KCTD1: variants seen among roughly 807,000 people sequenced by gnomAD.
The protein encoded by KCTD1 is BTB/POZ domain-containing protein KCTD1.
KCTD1 carries 24 observed loss-of-function variants against 66.0 expected under a neutral mutation model. The ratio of observed to expected loss-of-function variants is 0.36; its 90% CI spans 0.26 to 0.51. KCTD1 has a LOEUF of 0.51. Ranked by LOEUF, KCTD1 falls within the 20% of genes least tolerant of loss-of-function variation. The pLI is 0.95. For missense variants in KCTD1, 943 were observed against 1,205.2 expected, an observed-to-expected ratio of 0.78 and a Z score of 3.22; for synonymous variants, 511 against 517.2, an observed-to-expected ratio of 0.99 and a Z score of 0.16.
chr18:26,604,634 G>A (rs1046618846), intron 1 of KCTD1, among the ~76,000 whole-genome samples: 8 of 152,154 alleles, frequency 5.3e-5, no homozygotes, highest in African/African-American at 1.9e-4. Context: ...AACTAACACA[G>A]GAACAGAAAA....
At chr18:26,513,799 A>G (rs1024681562) in intron 1 of KCTD1, among the ~76,000 whole-genome samples, 3 of 152,264 alleles carry the variant, frequency 2.0e-5, no homozygotes, top group Non-Finnish European at 4.4e-5. Context: ...TCAGAATTGG[A>G]ATTCAAAATG....
intron 3 of KCTD1, among the ~76,000 whole-genome samples, chr18:26,472,955 C>G (rs1388829271): frequency 1.3e-5 from 2 of 152,204 alleles, no homozygotes; most frequent in Non-Finnish European, 2.9e-5. Flanking sequence ...TTGATCATGT[C>G]TGAGAGTGTG....
At chr18:26,587,212 G>A (rs1986490687) in intron 1 of KCTD1, among the ~76,000 whole-genome samples, 1 of 152,172 alleles carries the variant, frequency 6.6e-6, no homozygotes, top group Non-Finnish European at 1.5e-5. Context: ...GTAGGACTCT[G>A]AAGAATTATG....
chr18:26,611,360 GTT>G (rs1332798301), intron 1 of KCTD1, among the ~76,000 whole-genome samples: 2 of 146,478 alleles, frequency 1.4e-5, no homozygotes, highest in Non-Finnish European at 1.5e-5. Context: ...TTGTTTGTTT[GTT>G]TGTTTTGAGA....
At chr18:26,461,059 A>G (rs953498401) in intron 3 of KCTD1, among the ~76,000 whole-genome samples, 1 of 152,248 alleles carries the variant, frequency 6.6e-6, no homozygotes, top group Admixed American at 6.5e-5. Context: ...CCAATGTTGC[A>G]AACATGTGGT....
chr18:26,562,202 C>T (rs1445478503), intron 1 of KCTD1, among the ~76,000 whole-genome samples: 1 of 152,144 alleles, frequency 6.6e-6, no homozygotes, highest in African/African-American at 2.4e-5. Context: ...TCAGGCTCCA[C>T]TTCCACTGAA....
chr18:26,620,521 C>T (rs1430965581), intron 1 of KCTD1, among the ~76,000 whole-genome samples: 1 of 148,972 alleles, frequency 6.7e-6, no homozygotes, highest in Non-Finnish European at 1.5e-5. Context: ...ACTGCATCCT[C>T]CACCTCCGGG....
upstream of KCTD1, among the ~76,000 whole-genome samples, chr18:26,551,688 C>T (rs1183327899): frequency 6.6e-6 from 1 of 152,026 alleles, no homozygotes; most frequent in Non-Finnish European, 1.5e-5. Context: ...CCCAATAACA[C>T]AAAATTACAG....
upstream of KCTD1, chr18:26,549,915 T>G (rs1985484721): frequency 7.4e-6 from 4 of 543,164 alleles, no homozygotes; most frequent in Admixed American, 6.4e-5. Context: ...GGCGCGTCCT[T>G]GCGTCGCCGC....
intron 1 of KCTD1, chr18:26,655,968 G>C (rs1039648951): frequency 6.6e-5 from 10 of 152,184 alleles, no homozygotes; most frequent in African/African-American, 2.4e-4. Flanking sequence ...CTGTTTTCCA[G>C]CCAGGTCCCT....
At chr18:26,595,124 T>C (rs1317236894) in intron 1 of KCTD1, among the ~76,000 whole-genome samples, 1 of 152,176 alleles carries the variant, frequency 6.6e-6, no homozygotes, top group Non-Finnish European at 1.5e-5. Flanking sequence ...GATGTATAAC[T>C]CTATTTAGAC....
chr18:26,497,736 T>C (rs1408620078), intron 2 of KCTD1, among the ~76,000 whole-genome samples: 2 of 152,282 alleles, frequency 1.3e-5, no homozygotes, highest in Non-Finnish European at 2.9e-5. Flanking sequence ...CTTTAGGTAT[T>C]AGCAGCTGAA....
chr18:26,539,561 CA>C (rs1984874481), intron 1 of KCTD1, among the ~76,000 whole-genome samples: 1 of 152,192 alleles, frequency 6.6e-6, no homozygotes. Context: ...GAGATTGTGA[CA>C]GTTTATATCA....
At chr18:26,642,669 G>A (rs1442525969), upstream of KCTD1, among the ~76,000 whole-genome samples, 1 of 152,188 alleles carries the variant, frequency 6.6e-6, no homozygotes, top group African/African-American at 2.4e-5. Flanking sequence ...TCAGTGACAG[G>A]CAGAGATTAC....
intron 2 of KCTD1, among the ~76,000 whole-genome samples, chr18:26,485,298 A>G (rs1981857695): frequency 6.6e-6 from 1 of 152,174 alleles, no homozygotes; most frequent in Non-Finnish European, 1.5e-5. Flanking sequence ...AATCAATGGT[A>G]AGGCCAGAAT....
At chr18:26,589,519 A>G (rs1231259878) in intron 1 of KCTD1, among the ~76,000 whole-genome samples, 1 of 152,214 alleles carries the variant, frequency 6.6e-6, no homozygotes, top group African/African-American at 2.4e-5. Flanking sequence ...CCAGTTATAT[A>G]AAGTCTTTCA....
At chr18:26,622,735 T>C (rs950468410) in intron 1 of KCTD1, among the ~76,000 whole-genome samples, 4 of 151,984 alleles carry the variant, frequency 2.6e-5, no homozygotes, top group African/African-American at 9.7e-5. Flanking sequence ...AGCAGGAGCC[T>C]ACCAGATGGG....
intron 1 of KCTD1, among the ~76,000 whole-genome samples, chr18:26,649,661 A>G (rs1327260924): frequency 6.6e-6 from 1 of 152,076 alleles, no homozygotes; most frequent in Admixed American, 6.5e-5. Context: ...GGCACGCGCC[A>G]CCACGCCCGG....
rs1979969895 is a variant in KCTD1 at position 26,454,973 on chromosome 18, C to G, written c.*770G>C. 6.6e-6 allele frequency: 1 copy of G among 152,610 alleles called. No individual in the cohort carries two copies. The highest frequency in any genetic ancestry group is 1.5e-5 in the Non-Finnish European group (1 of 68,036). The allele number at this position is 152,610 out of a possible 1,614,324, so 9.5% of individuals were successfully genotyped here. ...CCCCACATGTGTGTTTCACACAGACCTTATTTTTTAAACAGAGTTTATTGT... is the reference window on the plus strand; with the variant it reads ...CCCCACATGTGTGTTTCACACAGACGTTATTTTTTAAACAGAGTTTATTGT... On this transcript the variant is annotated 3_prime_UTR_variant, in exon 5 of 5. Transcript: ENST00000580059.
Sources: allele counts gnomAD v4.1 joint callset (sites outside exome capture counted in the v4.1 genomes callset), GRCh38; gene constraint gnomAD v4.1.1; transcripts MANE v1.5; gene names NCBI Gene and HGNC (gene_info 2026-07-23, HGNC 2026-07-21).